The following COA8 variants were observed in gnomAD, a reference collection of about 807,000 sequenced individuals.
COA8 encodes cytochrome c oxidase assembly factor 8.
In COA8, 20 loss-of-function variants were observed where a neutral mutation model predicts 22.0. That is an observed-to-expected ratio of 0.91 (90% CI 0.64 to 1.32). COA8 has a LOEUF of 1.32. COA8 is among the 40% of genes most tolerant of loss of function. The pLI is 0.00. For missense variants in COA8, 266 were observed against 230.0 expected (o/e 1.16, Z -1.01); for synonymous variants, 105 against 79.9 (o/e 1.31, Z -1.68).
intron 4 of COA8, 124 bp downstream of exon 4, chr14:103,587,488 ACTTTTTTTTTTCTTTTTTT>A: frequency 1.9e-6 from 1 of 528,310 alleles, no homozygotes. Context: ...GACTTTATCA[ACTTTTTTTTTTCTTTTTTT>A]CTTTTTTTTT....
chr14:103,582,639 A>G (rs1307639045), intron 3 of COA8, among the ~76,000 whole-genome samples: 3 of 151,650 alleles, frequency 2.0e-5, no homozygotes, highest in Non-Finnish European at 4.4e-5. Flanking sequence ...CTCGTTGTGT[A>G]TGGTAGACAT....
chr14:103,573,174 T>A (rs2076201828), intron 2 of COA8, among the ~76,000 whole-genome samples: 1 of 151,990 alleles, frequency 6.6e-6, no homozygotes, highest in South Asian at 2.1e-4. Context: ...TTTAACTTTT[T>A]TTTTTTTCTT....
intron 4 of COA8, among the ~76,000 whole-genome samples, chr14:103,587,756 C>T (rs1452299584): frequency 6.6e-6 from 1 of 151,870 alleles, no homozygotes; most frequent in African/African-American, 2.4e-5. Context: ...ATCCGCCTGC[C>T]TTGGCCTCCC....
chr14:103,583,282 G>A (rs149759650), intron 3 of COA8, among the ~76,000 whole-genome samples: 269 of 152,222 alleles, frequency 1.8e-3, no homozygotes, highest in African/African-American at 6.3e-3. Flanking sequence ...GCTCACGCCT[G>A]TAATCCCAGC....
chr14:103,571,865 C>T (rs776828577), intron 2 of COA8, 45 bp downstream of exon 2: 26 of 1,539,780 alleles, frequency 1.7e-5, no homozygotes, highest in East Asian at 2.3e-5. Context: ...CGGTGGCTCA[C>T]GCCTGTAATC....
chr14:103,589,031 G>A (rs2076331417), intron 4 of COA8, among the ~76,000 whole-genome samples: 2 of 152,056 alleles, frequency 1.3e-5, no homozygotes, highest in Non-Finnish European at 2.9e-5. Context: ...GTTTGCACGG[G>A]GCACAGTCTC....
chr14:103,581,662 G>A lies in COA8; in HGVS notation c.386-5612G>A. The stretch of plus-strand genomic sequence containing the variant: ...GCCGCCATCTCCCTTACACAGTTGA[G>A]TAAACCGAGGCACAGAAGAAAATGA... On this transcript the variant is annotated intron_variant, in intron 3 of 4. Coordinates refer to ENST00000409074, the MANE Select transcript of COA8 (RefSeq NM_001370595.2). This position sits in a 1 kb window ranked among gnomAD's most constrained non-coding sequence, Gnocchi z 4.1. The A allele has an allele frequency of 2.5e-6, 1 of 398,704 alleles. No homozygotes were observed. Among genetic ancestry groups the A allele is most frequent in the Non-Finnish European group, 4.4e-6 (1 of 226,128 alleles). The allele number at this position is 398,704 out of a possible 1,614,324, so 24.7% of individuals were successfully genotyped here. A position where few individuals can be genotyped will look rare whatever the true frequency, so the allele number is the denominator to read the frequency against.
intron 2 of COA8, among the ~76,000 whole-genome samples, 158 bp from the exon 3 acceptor site, chr14:103,573,949 G>A (rs923809305): frequency 2.0e-5 from 3 of 152,118 alleles, no homozygotes; most frequent in Admixed American, 6.6e-5. Flanking sequence ...CACATTCAGA[G>A]GGTTTTAAAC....
intron 2 of COA8, among the ~76,000 whole-genome samples, chr14:103,573,198 T>C (rs2076202019): frequency 6.6e-6 from 1 of 152,056 alleles, no homozygotes; most frequent in Non-Finnish European, 1.5e-5. Flanking sequence ...AGATGGAGTT[T>C]CACTCCTGTT....
rs1454199292 is a variant in COA8 at position 103,581,344 on chromosome 14, C to T, written c.386-5930C>T. 6.6e-6 allele frequency among the ~76,000 whole-genome samples: 1 copy of T among 152,074 alleles called. No homozygotes were observed. The highest frequency in any genetic ancestry group is 1.5e-5 in the Non-Finnish European group (1 of 68,018). On this transcript the variant is annotated intron_variant, in intron 3 of 4. Coordinates refer to ENST00000409074, the MANE Select transcript of COA8 (RefSeq NM_001370595.2). The surrounding 1 kb of genome is among the most constrained non-coding windows in gnomAD (Gnocchi z 4.1). ...CAAGTAAATAAGGGTTACTCAGACA[C>T]AAGCACTGCTGTACGACGACAGTGG...
intron 2 of COA8, among the ~76,000 whole-genome samples, chr14:103,572,041 G>A (rs2076191853): frequency 6.6e-6 from 1 of 151,864 alleles, no homozygotes; most frequent in Non-Finnish European, 1.5e-5. Flanking sequence ...GCAGGAGAAT[G>A]GCGTGAACCC....
chr14:103,579,403 G>A lies in COA8; in HGVS notation c.385+5233G>A, dbSNP rs528853605. 1.1e-4 allele frequency: 24 copies of A among 213,344 alleles called. No individual in the cohort carries two copies. In the South Asian group the frequency reaches 1.2e-3, roughly 10 times the overall value. 13.2% of individuals were successfully genotyped at this position (213,344 alleles called of 1,614,324 possible). A position where few individuals can be genotyped will look rare whatever the true frequency, so the allele number is the denominator to read the frequency against. On this transcript the variant is annotated intron_variant, in intron 3 of 4. Transcript: ENST00000409074. The stretch of plus-strand genomic sequence containing the variant: ...CTCACTCTGTCACCCAGGCTGGAGT[G>A]CAGTGGCACGATCTCGGCTCACTGC...
At chr14:103,580,256 T>A (rs999818436) in intron 3 of COA8, among the ~76,000 whole-genome samples, 18 of 150,522 alleles carry the variant, frequency 1.2e-4, no homozygotes, top group African/African-American at 2.9e-4. Context: ...TAAAAAAAAA[T>A]TTTTTTGTAG....
intron 1 of COA8, among the ~76,000 whole-genome samples, chr14:103,567,024 C>T (rs1431844043): frequency 6.6e-6 from 1 of 152,174 alleles, no homozygotes; most frequent in African/African-American, 2.4e-5. Flanking sequence ...CTTCCTGCCT[C>T]AGCCTCTTTA....
At chr14:103,569,914 T>C (rs776695295) in intron 1 of COA8, among the ~76,000 whole-genome samples, 1 of 152,256 alleles carries the variant, frequency 6.6e-6, no homozygotes, top group Non-Finnish European at 1.5e-5. Context: ...TGGAATGCAG[T>C]GGTGCGATCT....
chr14:103,568,924 G>A (rs1031216150), intron 1 of COA8, among the ~76,000 whole-genome samples: 3 of 151,944 alleles, frequency 2.0e-5, no homozygotes, highest in South Asian at 2.1e-4. Context: ...GAGCCACCGC[G>A]CCCGGCTGAA....
intron 3 of COA8, among the ~76,000 whole-genome samples, chr14:103,575,785 G>C (rs1028148369): frequency 6.6e-6 from 1 of 152,032 alleles, no homozygotes; most frequent in African/African-American, 2.4e-5. Flanking sequence ...CTGCAGCCTT[G>C]ACCTCCTGGG....
chr14:103,576,766 C>G (rs1566981949), intron 3 of COA8, among the ~76,000 whole-genome samples: 1 of 152,292 alleles, frequency 6.6e-6, no homozygotes, highest in African/African-American at 2.4e-5. Context: ...GGCTCCAGCC[C>G]GGTTGGGAGG....
intron 1 of COA8, among the ~76,000 whole-genome samples, chr14:103,564,322 C>G (rs1326278869): frequency 6.6e-6 from 1 of 152,118 alleles, no homozygotes; most frequent in Non-Finnish European, 1.5e-5. Flanking sequence ...ACCCAAGTGG[C>G]TAGCTCAGTT....
Sources: gnomAD v4.1 joint callset for allele counts (sites outside exome capture counted in the v4.1 genomes callset) on GRCh38, gnomAD v4.1.1 for gene constraint, Gnocchi (gnomAD v3.1) non-coding constraint, MANE v1.5 for transcripts, NCBI Gene and HGNC (gene_info 2026-07-23, HGNC 2026-07-21) for gene names.